The following CNTN2 variants were observed in gnomAD, a reference collection of about 807,000 sequenced individuals.
CNTN2 encodes the protein contactin 2.
In CNTN2, 53 loss-of-function variants were observed where a neutral mutation model predicts 117.5. That is an observed-to-expected ratio of 0.45 (90% CI 0.36 to 0.57). The LOEUF is 0.57. Among genes scored for constraint, CNTN2 ranks in the 20% least tolerant of loss-of-function variants. The pLI is 0.00. For missense variants in CNTN2, 1,106 were observed against 1,404.3 expected, an observed-to-expected ratio of 0.79 and a Z score of 3.39; for synonymous variants, 530 against 561.7, an observed-to-expected ratio of 0.94 and a Z score of 0.80.
At position 205,075,946 on chromosome 1, in the gene CNTN2, T is replaced by C. The variant is rs1368789056; in HGVS notation, c.*2181T>C. 6.6e-6 allele frequency: 1 copy of C among 152,160 alleles called. No individual in the cohort carries two copies. Among genetic ancestry groups the C allele is most frequent in the Non-Finnish European group, 1.5e-5 (1 of 68,052 alleles). 9.4% of individuals were successfully genotyped at this position (152,160 alleles called of 1,614,324 possible). A position where few individuals can be genotyped will look rare whatever the true frequency, so the allele number is the denominator to read the frequency against. On this transcript the variant is annotated 3_prime_UTR_variant, in exon 23 of 23. Transcript: ENST00000331830. Reference sequence around the variant, plus strand: ...AAGTTTTATCCAATTCGTTCCTCATTGCCTCGGGCTGCGTCAGGGGAAGCA... The same window carrying C: ...AAGTTTTATCCAATTCGTTCCTCATCGCCTCGGGCTGCGTCAGGGGAAGCA...
At chr1:205,064,203 G>T in intron 10 of CNTN2, 119 bp from the exon 11 acceptor site, 1 of 1,103,626 alleles carries the variant, frequency 9.1e-7, no homozygotes, top group Non-Finnish European at 1.3e-6. Context: ...GGTTCTGGAT[G>T]CATTCTGGAA....
chr1:205,064,587 C>T, intron 11 of CNTN2, 36 bp from the exon 12 acceptor site: 1 of 1,609,274 alleles, frequency 6.2e-7, no homozygotes, highest in South Asian at 1.1e-5. Flanking sequence ...GACAACCATG[C>T]CTGAGTTGGC....
In CNTN2 at chr1:205,065,031, C is replaced by T. The variant is rs893779755; in HGVS notation, c.1520-56C>T. 13 of 1,582,040 alleles carry T rather than the reference C, an allele frequency of 8.2e-6. No homozygotes were observed. Among genetic ancestry groups the T allele is most frequent in the Middle Eastern group, 1.7e-4 (1 of 5,974 alleles). The stretch of plus-strand genomic sequence containing the variant: ...GAGCCTCTCAGCCTGCCCTGCGGAC[C>T]CGGCCTGGGCCCATTTCCTCCCCCA... On this transcript the variant is annotated intron_variant, in intron 12 of 22. Transcript: ENST00000331830. This position sits in a 1 kb window ranked among gnomAD's most constrained non-coding sequence, Gnocchi z 4.1.
intron 19 of CNTN2, 44 bp from the exon 20 acceptor site, chr1:205,071,903 C>T: frequency 6.4e-7 from 1 of 1,553,866 alleles, no homozygotes; most frequent in Non-Finnish European, 8.7e-7. Flanking sequence ...GCCCTGAGAT[C>T]CTGGGCTTGA....
rs199903175 is a variant in CNTN2 at position 205,058,535 on chromosome 1, G to C, written c.392-33G>C. On this transcript the variant is annotated intron_variant, in intron 4 of 22. Coordinates refer to ENST00000331830, the MANE Select transcript of CNTN2 (RefSeq NM_005076.5). This position sits in a 1 kb window ranked among gnomAD's most constrained non-coding sequence, Gnocchi z 4.3. ...CGGGGAGGGGCTCGCAGGCCAGGAG[G>C]ACAGTGCCTGAGCCCCTGGTCTCTG... 87 of 1,601,124 alleles carry C rather than the reference G, an allele frequency of 5.4e-5. No individual in the cohort carries two copies. In the Admixed American group the frequency reaches 1.5e-3, roughly 27 times the overall value.
In CNTN2 at chr1:205,066,547, C is replaced by T. The variant is rs1042730844; in HGVS notation, c.1923C>T (p.Tyr641=). The T allele has an allele frequency of 5.0e-6, 8 of 1,614,010 alleles. No individual in the cohort carries two copies. Among genetic ancestry groups the T allele is most frequent in the African/African-American group, 1.3e-5 (1 of 74,944 alleles). Residue 641 remains tyrosine, a synonymous_variant, in exon 15 of 23, where the codon TAC becomes TAT. Coordinates refer to ENST00000331830, the MANE Select transcript of CNTN2 (RefSeq NM_005076.5). The part of the protein sequence containing the change: ...GFDNHSPIAK[Y]TLQARTPPAG... ...ACAACCACAGCCCCATCGCTAAGTA[C>T]ACCCTGCAAGCTCGCACTCCACCTG...
At position 205,058,284 on chromosome 1, in the gene CNTN2, G is replaced by A. The variant is rs772504819; in HGVS notation, c.319G>A (p.Gly107Arg). 6.5e-6 allele frequency: 10 copies of A among 1,534,784 alleles called. No individual in the cohort carries two copies. In the African/African-American group the frequency reaches 6.9e-5, roughly 11 times the overall value. Residue 107 changes from glycine to arginine, a missense_variant, in exon 4 of 23, where the codon GGG becomes AGG. Transcript: ENST00000331830. This position sits in a 1 kb window ranked among gnomAD's most constrained non-coding sequence, Gnocchi z 4.3. ...IMNPTKAQDA[G>R]VYQCLASNPV... Reference sequence around the variant, plus strand: ...GAACCCCACCAAGGCACAGGATGCCGGGGTCTACCAGTGCCTGGCCTCCAA... The same window carrying A: ...GAACCCCACCAAGGCACAGGATGCCAGGGTCTACCAGTGCCTGGCCTCCAA...
rs1654937934 is a variant in CNTN2, at chr1:205,077,901, C to T, written c.*4136C>T. On this transcript the variant is annotated 3_prime_UTR_variant, in exon 23 of 23. Transcript: ENST00000331830. ...CTCAGTGTTTGTTAAAATGGAACCA[C>T]TCCCGTTGGCCTACTGTTTCTCTCC... 1 of 152,174 alleles carries T rather than the reference C, an allele frequency of 6.6e-6. No homozygotes were observed. Among genetic ancestry groups the T allele is most frequent in the African/African-American group, 2.4e-5 (1 of 41,428 alleles). The allele number at this position is 152,174 out of a possible 1,614,324, so 9.4% of individuals were successfully genotyped here. A position where few individuals can be genotyped will look rare whatever the true frequency, so the allele number is the denominator to read the frequency against.
chr1:205,062,287 G>A, intron 9 of CNTN2, 153 bp from the exon 10 acceptor site: 1 of 1,127,940 alleles, frequency 8.9e-7, no homozygotes, highest in Non-Finnish European at 1.2e-6. Context: ...GCATCCTGAG[G>A]TTCCAGGCAG....
In CNTN2 at chr1:205,059,326, G is replaced by A; in HGVS notation, c.697+33G>A. On this transcript the variant is annotated intron_variant, in intron 6 of 22. Coordinates refer to ENST00000331830, the MANE Select transcript of CNTN2 (RefSeq NM_005076.5). The surrounding 1 kb of genome is among the most constrained non-coding windows in gnomAD (Gnocchi z 5.6). ...TTGGCCAGGCGTGGCTGGAGGGAGG[G>A]AACTGGAAGGGTCAGCGGGCATTAG... 2 of 1,591,326 alleles carry A rather than the reference G, an allele frequency of 1.3e-6. No homozygotes were observed. Among genetic ancestry groups the A allele is most frequent in the Non-Finnish European group, 1.7e-6 (2 of 1,163,244 alleles).
intron 10 of CNTN2, chr1:205,062,994 A>G (rs1654072212): frequency 6.5e-6 from 1 of 153,160 alleles, no homozygotes; most frequent in African/African-American, 2.4e-5. Flanking sequence ...TGAAAGAGGT[A>G]CAGCATAAAG....
chr1:205,059,450 T>C lies in CNTN2; in HGVS notation c.698-133T>C. 1 of 1,170,590 alleles carries C rather than the reference T, an allele frequency of 8.5e-7. No homozygotes were observed. The highest frequency in any genetic ancestry group is 1.2e-6 in the Non-Finnish European group (1 of 800,342). 72.5% of individuals were successfully genotyped at this position (1,170,590 alleles called of 1,614,324 possible). ...CCTCCTGCTTCAAATCCTGAGGCCC[T>C]TGCCCCAGGCCTCAAGGAGATTCCA... is the stretch of plus-strand genomic sequence containing the variant. On this transcript the variant is annotated intron_variant, in intron 6 of 22. Coordinates refer to ENST00000331830, the MANE Select transcript of CNTN2 (RefSeq NM_005076.5). This position sits in a 1 kb window ranked among gnomAD's most constrained non-coding sequence, Gnocchi z 5.6.
chr1:205,057,728 G>A (rs1441956725), intron 2 of CNTN2, 193 bp from the exon 3 acceptor site: 1 of 526,508 alleles, frequency 1.9e-6, no homozygotes, highest in East Asian at 3.1e-5. Context: ...AATGTAAAAT[G>A]TCGTTCTTCA....
chr1:205,050,855 G>A (rs10900439), intron 1 of CNTN2, among the ~76,000 whole-genome samples: 29,794 of 152,172 alleles, frequency 0.2, 3,722 homozygotes, highest in East Asian at 0.58. Context: ...CTGACCTCAG[G>A]TGATCCACCC....
At position 205,069,986 on chromosome 1, in the gene CNTN2, G is replaced by T. The variant is rs780226583; in HGVS notation, c.2356G>T (p.Val786Phe). Residue 786 changes from valine to phenylalanine, a missense_variant, in exon 18 of 23, where the codon GTC becomes TTC. By Grantham distance (50) the Val-to-Phe change is conservative (BLOSUM62 -1). Transcript: ENST00000331830. ...CGTCCGGCCCTACACGCCCTTTGAGGTCAAGATCCGCAGCTACAACCGCCG... is the reference window on the plus strand; with the variant it reads ...CGTCCGGCCCTACACGCCCTTTGAGTTCAAGATCCGCAGCTACAACCGCCG... ...ESVRPYTPFE[V>F]KIRSYNRRGD... The T allele has an allele frequency of 1.5e-5, 25 of 1,613,584 alleles. No homozygotes were observed. The highest frequency in any genetic ancestry group is 2.1e-5 in the Non-Finnish European group (25 of 1,180,042).
rs765619627 is a variant in CNTN2, at chr1:205,065,202, C to G, written c.1635C>G (p.Thr545=). ...CCATGGACCTCACCTTCACCTGGAC[C>G]CTGGACGACTTCCCCATCGACTTTG... The part of the protein sequence containing the change: ...DPTMDLTFTW[T]LDDFPIDFDK... Residue 545 remains threonine, a synonymous_variant, in exon 13 of 23, where the codon ACC becomes ACG. Coordinates refer to ENST00000331830, the MANE Select transcript of CNTN2 (RefSeq NM_005076.5). The surrounding 1 kb of genome is among the most constrained non-coding windows in gnomAD (Gnocchi z 4.1). The G allele has an allele frequency of 1.2e-6, 2 of 1,614,136 alleles. No individual in the cohort carries two copies. The highest frequency in any genetic ancestry group is 4.5e-5 in the East Asian group (2 of 44,848).
At chr1:205,063,382 C>A (rs530862433) in intron 10 of CNTN2, 4 of 152,210 alleles carry the variant, frequency 2.6e-5, no homozygotes, top group Admixed American at 1.3e-4. Flanking sequence ...AATCCCAGCA[C>A]TTTGGGAGGC....
At chr1:205,054,025 C>T (rs1347762338) in intron 2 of CNTN2, among the ~76,000 whole-genome samples, 3 of 152,216 alleles carry the variant, frequency 2.0e-5, no homozygotes, top group African/African-American at 7.2e-5. Flanking sequence ...CATGTCAGGC[C>T]AGAGGAGCCG....
chr1:205,074,486 G>T lies in CNTN2; in HGVS notation c.*721G>T. 1 of 398,398 alleles carries T rather than the reference G, an allele frequency of 2.5e-6. No individual in the cohort carries two copies. Among genetic ancestry groups the T allele is most frequent in the Non-Finnish European group, 4.4e-6 (1 of 226,216 alleles). The allele number at this position is 398,398 out of a possible 1,614,324, so 24.7% of individuals were successfully genotyped here. On this transcript the variant is annotated 3_prime_UTR_variant, in exon 23 of 23. Coordinates refer to ENST00000331830, the MANE Select transcript of CNTN2 (RefSeq NM_005076.5). ...GAAAGGGGCACCAGCCTTGGTCTGA[G>T]ATAGTCACAACCCAGGTGACGATGC...
Sources: gnomAD v4.1 joint callset for allele counts (sites outside exome capture counted in the v4.1 genomes callset) on GRCh38, gnomAD v4.1.1 for gene constraint, Gnocchi (gnomAD v3.1) non-coding constraint, MANE v1.5 for transcripts, NCBI Gene and HGNC (gene_info 2026-07-23, HGNC 2026-07-21) for gene names.